SLC10A7: variants seen among roughly 807,000 people sequenced by gnomAD.
The protein encoded by SLC10A7 is solute carrier family 10 member 7.
Under a neutral mutation model 43.2 loss-of-function variants are expected in SLC10A7, and 29 were observed. The observed-to-expected ratio is 0.67, with a 90% CI of 0.50 to 0.92. The LOEUF (loss-of-function observed/expected upper bound fraction) is 0.92, where lower values mean the gene tolerates loss of function less well. SLC10A7 is among the 40% of genes least tolerant of loss of function. SLC10A7 has a pLI of 0.00. For synonymous variants in SLC10A7, 152 were observed against 144.8 expected, an observed-to-expected ratio of 1.05 and a Z score of -0.35; for missense variants, 295 against 403.2, an observed-to-expected ratio of 0.73 and a Z score of 2.30.
rs937443283 is a variant in SLC10A7 at position 146,254,453 on chromosome 4, T to G, written c.*2038A>C. ...TTATTTTTTGTTCTTTATGAAAAAA[T>G]ATGCCAAGGAATTTGTGTAAAAAAA... On this transcript the variant is annotated 3_prime_UTR_variant, in exon 12 of 12. Transcript: ENST00000335472. 2 of 152,088 alleles carry G rather than the reference T, an allele frequency of 1.3e-5. No homozygotes were observed. The highest frequency in any genetic ancestry group is 1.3e-4 in the Admixed American group (2 of 15,274). The allele number at this position is 152,088 out of a possible 1,614,324, so 9.4% of individuals were successfully genotyped here. A position where few individuals can be genotyped will look rare whatever the true frequency, so the allele number is the denominator to read the frequency against.
chr4:146,391,945 T>A lies in SLC10A7; in HGVS notation c.435+50838A>T, dbSNP rs1318322501. Among the ~76,000 whole-genome samples the A allele has an allele frequency of 2.6e-5, 4 of 152,184 alleles. No individual in the cohort carries two copies. In the East Asian group the frequency reaches 7.7e-4, roughly 29 times the overall value. On this transcript the variant is annotated intron_variant, in intron 5 of 11. Transcript: ENST00000335472. ...GAGGAACTCCCTATTTCATTATGCG[T>A]CTCAGGAATAAAAGAGATAAAGTTT...
intron 6 of SLC10A7, among the ~76,000 whole-genome samples, chr4:146,321,267 C>G (rs1732687284): frequency 6.6e-6 from 1 of 152,050 alleles, no homozygotes; most frequent in South Asian, 2.1e-4. Flanking sequence ...ACTTCATCTC[C>G]TTTATATTCT....
intron 5 of SLC10A7, among the ~76,000 whole-genome samples, chr4:146,338,284 A>G (rs1265943191): frequency 2.6e-5 from 4 of 152,006 alleles, no homozygotes; most frequent in South Asian, 2.1e-4. Flanking sequence ...CCTACTGTGT[A>G]TATGTCAGCA....
chr4:146,300,578 G>C (rs1305024196), intron 7 of SLC10A7, among the ~76,000 whole-genome samples: 1 of 152,140 alleles, frequency 6.6e-6, no homozygotes, highest in Non-Finnish European at 1.5e-5. Context: ...GAGGACCTGA[G>C]GATCATGCAG....
intron 4 of SLC10A7, among the ~76,000 whole-genome samples, chr4:146,488,326 G>T (rs1735091054): frequency 6.6e-6 from 1 of 152,154 alleles, no homozygotes; most frequent in Middle Eastern, 3.4e-3. Flanking sequence ...ACTGAAACTT[G>T]CATGGAGAAA....
At chr4:146,407,793 A>G (rs973606326) in intron 5 of SLC10A7, among the ~76,000 whole-genome samples, 9 of 152,188 alleles carry the variant, frequency 5.9e-5, no homozygotes, top group African/African-American at 1.9e-4. Context: ...AGTCTAAACC[A>G]GTCACATTTC....
intron 4 of SLC10A7, among the ~76,000 whole-genome samples, chr4:146,501,242 C>T (rs1462498307): frequency 6.6e-6 from 1 of 152,152 alleles, no homozygotes; most frequent in African/African-American, 2.4e-5. Flanking sequence ...AGACCACTTC[C>T]TAAACTACCA....
chr4:146,283,163 G>A (rs918093839), intron 10 of SLC10A7, 29 bp downstream of exon 10: 3 of 1,537,372 alleles, frequency 2.0e-6, no homozygotes, highest in Non-Finnish European at 9.0e-7. Flanking sequence ...GAGGGTAATA[G>A]GTGGTTTTTA....
At chr4:146,424,840 T>C (rs1396428217) in intron 5 of SLC10A7, among the ~76,000 whole-genome samples, 1 of 152,192 alleles carries the variant, frequency 6.6e-6, no homozygotes, top group African/African-American at 2.4e-5. Context: ...GTATTTATTT[T>C]CCTGGCACTG....
chr4:146,258,556 T>G, intron 11 of SLC10A7, 136 bp downstream of exon 11: 1 of 766,158 alleles, frequency 1.3e-6, no homozygotes, highest in East Asian at 2.9e-5. Context: ...GCACCATTAT[T>G]ATTGTATTTA....
chr4:146,297,820 A>G (rs1415769836), intron 7 of SLC10A7, among the ~76,000 whole-genome samples: 8 of 152,210 alleles, frequency 5.3e-5, no homozygotes, highest in African/African-American at 1.9e-4. Context: ...AACATAAACA[A>G]TAATAATAAA....
At chr4:146,266,512 C>T (rs1469157417) in intron 10 of SLC10A7, among the ~76,000 whole-genome samples, 1 of 152,248 alleles carries the variant, frequency 6.6e-6, no homozygotes, top group African/African-American at 2.4e-5. Context: ...GTCAAACTCA[C>T]AGCCACTGAT....
At chr4:146,483,629 C>A (rs1362892222) in intron 4 of SLC10A7, among the ~76,000 whole-genome samples, 1 of 151,612 alleles carries the variant, frequency 6.6e-6, no homozygotes, top group African/African-American at 2.4e-5. Context: ...CTCTAATAAC[C>A]TTGAATGTAA....
intron 10 of SLC10A7, among the ~76,000 whole-genome samples, chr4:146,259,779 A>G (rs1728107794): frequency 6.6e-6 from 1 of 152,244 alleles, no homozygotes; most frequent in East Asian, 1.9e-4. Flanking sequence ...AGACACTAGC[A>G]GTCTAACTAT....
intron 5 of SLC10A7, among the ~76,000 whole-genome samples, chr4:146,435,699 A>G (rs573594814): frequency 6.6e-6 from 1 of 152,320 alleles, no homozygotes; most frequent in South Asian, 2.1e-4. Flanking sequence ...ATCATCAATT[A>G]GTAGTTAATA....
chr4:146,256,713 A>AT (rs1727908307), intron 11 of SLC10A7, 193 bp from the exon 12 acceptor site: 7 of 1,019,852 alleles, frequency 6.9e-6, no homozygotes, highest in African/African-American at 3.4e-5. Context: ...AGACTTTGTC[A>AT]TTTCCCCTCC....
At chr4:146,506,294 A>G (rs957217177) in intron 3 of SLC10A7, among the ~76,000 whole-genome samples, 24 of 152,196 alleles carry the variant, frequency 1.6e-4, no homozygotes, top group African/African-American at 5.8e-4. Flanking sequence ...TATTGAATAC[A>G]TATATCTTCT....
intron 5 of SLC10A7, among the ~76,000 whole-genome samples, chr4:146,425,240 T>C (rs1257811127): frequency 1.3e-5 from 2 of 152,180 alleles, no homozygotes; most frequent in African/African-American, 4.8e-5. Context: ...CATATAAGAA[T>C]AGACATCAAA....
At chr4:146,428,461 T>C (rs1396814588) in intron 5 of SLC10A7, among the ~76,000 whole-genome samples, 2 of 152,170 alleles carry the variant, frequency 1.3e-5, no homozygotes, top group African/African-American at 4.8e-5. Context: ...AACATGATGC[T>C]TCTAAACAGC....
Sources: gnomAD v4.1 joint callset for allele counts (sites outside exome capture counted in the v4.1 genomes callset) on GRCh38, gnomAD v4.1.1 for gene constraint, MANE v1.5 for transcripts, NCBI Gene and HGNC (gene_info 2026-07-23, HGNC 2026-07-21) for gene names.